SEM1: variants seen among roughly 807,000 people sequenced by gnomAD.
SEM1 encodes 26S proteasome complex subunit SEM1.
SEM1 carries 3 observed loss-of-function variants against 12.7 expected under a neutral mutation model. The ratio of observed to expected loss-of-function variants is 0.24; its 90% CI spans 0.11 to 0.61. SEM1 has a LOEUF of 0.61. SEM1 is among the 20% of genes least tolerant of loss of function. SEM1 has a pLI of 0.88. For missense variants in SEM1, 59 were observed against 81.3 expected (o/e 0.73, Z 1.06); for synonymous variants, 30 against 27.8 (o/e 1.08, Z -0.25).
At chr7:96,644,485 C>A (rs1471537532) in intron 2 of SEM1, among the ~76,000 whole-genome samples, 2 of 152,090 alleles carry the variant, frequency 1.3e-5, no homozygotes, top group African/African-American at 2.4e-5. Flanking sequence ...CAGTCAACTG[C>A]AAGAGGTCAG....
intron 2 of SEM1, among the ~76,000 whole-genome samples, chr7:96,557,262 G>A (rs1353302379): frequency 6.8e-6 from 1 of 147,430 alleles, no homozygotes; most frequent in Non-Finnish European, 1.5e-5. Flanking sequence ...AGGAGGAGAA[G>A]CGCTCTGCTT....
chr7:96,569,242 A>G (rs542859328), intron 2 of SEM1, among the ~76,000 whole-genome samples: 1 of 152,118 alleles, frequency 6.6e-6, no homozygotes, highest in East Asian at 1.9e-4. Flanking sequence ...AAGTTTATTG[A>G]AAAAGTAATT....
chr7:96,698,379 G>A (rs559394659), intron 1 of SEM1, among the ~76,000 whole-genome samples: 1 of 151,760 alleles, frequency 6.6e-6, no homozygotes, highest in African/African-American at 2.4e-5. Context: ...AGTCCCACAC[G>A]AATTAAGTAT....
At chr7:96,628,359 C>T (rs962608905) in intron 2 of SEM1, among the ~76,000 whole-genome samples, 2 of 151,722 alleles carry the variant, frequency 1.3e-5, no homozygotes, top group African/African-American at 2.4e-5. Context: ...AAGTTTTTTC[C>T]TCTGGTGATA....
chr7:96,544,244 G>A (rs1255427412), intron 2 of SEM1, among the ~76,000 whole-genome samples: 1 of 151,960 alleles, frequency 6.6e-6, no homozygotes, highest in African/African-American at 2.4e-5. Flanking sequence ...AAACATCTCA[G>A]TTCCAAATAA....
chr7:96,684,388 C>G (rs1407016061), downstream of SEM1, among the ~76,000 whole-genome samples: 1 of 151,942 alleles, frequency 6.6e-6, no homozygotes, highest in South Asian at 2.1e-4. Context: ...CACACCCCAC[C>G]CTGAGCTGGG....
intron 2 of SEM1, among the ~76,000 whole-genome samples, chr7:96,588,057 C>A (rs770364047): frequency 2.0e-5 from 3 of 152,168 alleles, no homozygotes; most frequent in Non-Finnish European, 2.9e-5. Context: ...CATTGCCTTA[C>A]ACCTCATCAA....
chr7:96,525,412 A>G (rs1242126105), intron 2 of SEM1, among the ~76,000 whole-genome samples: 1 of 152,038 alleles, frequency 6.6e-6, no homozygotes, highest in African/African-American at 2.4e-5. Flanking sequence ...ATTCACAAAA[A>G]CTAATAAAAG....
intron 2 of SEM1, among the ~76,000 whole-genome samples, chr7:96,579,050 C>T (rs576395207): frequency 6.6e-6 from 1 of 152,270 alleles, no homozygotes; most frequent in South Asian, 2.1e-4. Context: ...TCTCTTAAAT[C>T]TTGACATATT....
intron 2 of SEM1, chr7:96,653,964 A>G (rs1809089636): frequency 1.3e-5 from 2 of 152,198 alleles, no homozygotes; most frequent in Non-Finnish European, 2.9e-5. Context: ...TCTGCCCCAA[A>G]TGAGGGAATA....
chr7:96,693,846 A>G (rs751341092), intron 2 of SEM1, among the ~76,000 whole-genome samples: 7 of 151,866 alleles, frequency 4.6e-5, no homozygotes, highest in Admixed American at 6.6e-5. Context: ...GTACTCAAAT[A>G]TATGTACACG....
chr7:96,705,534 T>C (rs1790426824), intron 1 of SEM1, among the ~76,000 whole-genome samples: 1 of 152,094 alleles, frequency 6.6e-6, no homozygotes, highest in South Asian at 2.1e-4. Flanking sequence ...AGTCAACGTT[T>C]TAAATAAATT....
At chr7:96,507,595 G>C (rs1001034068) in intron 2 of SEM1, among the ~76,000 whole-genome samples, 8 of 152,036 alleles carry the variant, frequency 5.3e-5, no homozygotes, top group Non-Finnish European at 7.4e-5. Flanking sequence ...CTTTCTAAGG[G>C]GGAAGAATGC....
rs577245089 is a variant in SEM1 at position 96,490,571 on chromosome 7, G to A, written c.13-4154C>T. On this transcript the variant is annotated intron_variant, in intron 1 of 3. Coordinates refer to the SEM1 transcript ENST00000356686. ...TTGTTGTCCAGGAATTAAGACCACAGGGGTGTCTCTTTAAAATGCCTGCGA... is the reference window on the plus strand; with the variant it reads ...TTGTTGTCCAGGAATTAAGACCACAAGGGTGTCTCTTTAAAATGCCTGCGA... Among the ~76,000 whole-genome samples, 5 of 152,320 alleles carry A rather than the reference G, an allele frequency of 3.3e-5. No individual in the cohort carries two copies. In the South Asian group the frequency reaches 1.0e-3, roughly 32 times the overall value.
At chr7:96,645,057 C>T (rs999869374) in intron 2 of SEM1, among the ~76,000 whole-genome samples, 2 of 152,018 alleles carry the variant, frequency 1.3e-5, no homozygotes, top group African/African-American at 4.8e-5. Flanking sequence ...CTTTCTGGTA[C>T]ATATTCTTTC....
chr7:96,687,646 G>T (rs866766198), downstream of SEM1, among the ~76,000 whole-genome samples: 1 of 151,886 alleles, frequency 6.6e-6, no homozygotes, highest in Non-Finnish European at 1.5e-5. Context: ...GGTGGGGAGA[G>T]GGGGGAGGGA....
downstream of SEM1, among the ~76,000 whole-genome samples, chr7:96,670,419 GA>G (rs988306457): frequency 6.6e-6 from 1 of 151,930 alleles, no homozygotes. Context: ...AGAGAAGGTA[GA>G]AAAAAAATCA....
chr7:96,577,877 C>A (rs1287006247), intron 2 of SEM1, among the ~76,000 whole-genome samples: 1 of 151,290 alleles, frequency 6.6e-6, no homozygotes, highest in African/African-American at 2.4e-5. Flanking sequence ...AAAACACCAC[C>A]AATACATGTT....
At chr7:96,618,843 C>G (rs1391586182), downstream of SEM1, among the ~76,000 whole-genome samples, 1 of 152,116 alleles carries the variant, frequency 6.6e-6, no homozygotes, top group Non-Finnish European at 1.5e-5. Flanking sequence ...CCTACCCACC[C>G]AGGAGGCTGA....
Sources: gnomAD v4.1 joint callset for allele counts (sites outside exome capture counted in the v4.1 genomes callset) on GRCh38, gnomAD v4.1.1 for gene constraint, MANE v1.5 for transcripts, NCBI Gene and HGNC (gene_info 2026-07-23, HGNC 2026-07-21) for gene names.